Variants in KCNH8 observed in about 807,000 individuals in gnomAD.
KCNH8 encodes potassium voltage-gated channel subfamily H member 8.
A neutral mutation model predicts 103.6 loss-of-function variants in KCNH8; 70 were observed. The ratio of observed to expected loss-of-function variants is 0.68; its 90% CI spans 0.56 to 0.82. KCNH8 has a LOEUF of 0.82. Among genes scored for constraint, KCNH8 ranks in the 40% least tolerant of loss-of-function variants. The pLI is 0.00. For missense variants in KCNH8, 1,217 were observed against 1,329.9 expected (o/e 0.92, Z 1.32); for synonymous variants, 498 against 489.4 (o/e 1.02, Z -0.23).
At chr3:19,195,986 C>T (rs1212382257) in intron 1 of KCNH8, among the ~76,000 whole-genome samples, 1 of 151,916 alleles carries the variant, frequency 6.6e-6, no homozygotes, top group Non-Finnish European at 1.5e-5. Context: ...CTATCTACTT[C>T]CTGAGTATGT....
chr3:19,399,452 T>C (rs1312096963), intron 7 of KCNH8, among the ~76,000 whole-genome samples: 1 of 152,020 alleles, frequency 6.6e-6, no homozygotes, highest in Non-Finnish European at 1.5e-5. Flanking sequence ...AGCATCCTAA[T>C]GTGAGTTCTG....
chr3:19,454,152 G>A (rs1392652188), intron 10 of KCNH8, among the ~76,000 whole-genome samples: 1 of 86,618 alleles, frequency 1.2e-5, no homozygotes, highest in Non-Finnish European at 2.1e-5. Context: ...TTCTGTGTGT[G>A]TGTGTGTGTG....
chr3:19,270,716 G>C (rs2064576265), intron 2 of KCNH8, among the ~76,000 whole-genome samples: 1 of 152,144 alleles, frequency 6.6e-6, no homozygotes, highest in African/African-American at 2.4e-5. Flanking sequence ...TTCGTTAAGA[G>C]TTGAGTTTGC....
At chr3:19,213,404 C>T (rs999837810) in intron 1 of KCNH8, among the ~76,000 whole-genome samples, 4 of 152,124 alleles carry the variant, frequency 2.6e-5, no homozygotes, top group African/African-American at 9.7e-5. Context: ...GGAACAGCCT[C>T]TTCTCTTTTG....
rs546168444 is a variant in KCNH8 at position 19,355,674 on chromosome 3, A to G, written c.811+7709A>G. Among the ~76,000 whole-genome samples the G allele has an allele frequency of 1.1e-3, 165 of 152,174 alleles. 2 individuals carry two copies. The highest frequency in any genetic ancestry group is 7.5e-3 in the South Asian group (36 of 4,828). On this transcript the variant is annotated intron_variant, in intron 5 of 15. Coordinates refer to ENST00000328405, the MANE Select transcript of KCNH8 (RefSeq NM_144633.3). ...CCCATGTTCTCACTCGTAGGTGGCA[A>G]TTGAACAATGAGAATACTTGGACAC...
At chr3:19,211,079 T>G (rs939546197) in intron 1 of KCNH8, among the ~76,000 whole-genome samples, 4 of 152,206 alleles carry the variant, frequency 2.6e-5, no homozygotes, top group African/African-American at 9.6e-5. Context: ...ATATTTTCAT[T>G]AGTTTTCTAC....
intron 2 of KCNH8, among the ~76,000 whole-genome samples, chr3:19,258,766 C>T (rs368466645): frequency 2.6e-5 from 4 of 151,576 alleles, no homozygotes; most frequent in African/African-American, 4.8e-5. Flanking sequence ...CACTCAGAGG[C>T]GTAGCATTTG....
At position 19,440,279 on chromosome 3, in the gene KCNH8, TAGAA is replaced by T. The variant is rs1343922251; in HGVS notation, c.1375+1921_1375+1924del. ...GAGAACTAGCTAGATAGAGGCACAATAGAAAGGAAGGAAAATAACAGGCTTGATT... is the reference window on the plus strand; with the variant it reads ...GAGAACTAGCTAGATAGAGGCACAATAGGAAGGAAAATAACAGGCTTGATT... On this transcript the variant is annotated intron_variant, in intron 8 of 15. Transcript: ENST00000328405. Among the ~76,000 whole-genome samples the T allele has an allele frequency of 2.0e-5, 3 of 152,166 alleles. No homozygotes were observed. In the East Asian group the frequency reaches 5.8e-4, roughly 29 times the overall value.
chr3:19,473,537 G>A (rs1196621663), intron 11 of KCNH8, among the ~76,000 whole-genome samples: 2 of 152,040 alleles, frequency 1.3e-5, no homozygotes, highest in African/African-American at 4.8e-5. Context: ...TTACATTATT[G>A]TTCTTCATCC....
At chr3:19,504,317 A>G (rs191991903) in intron 11 of KCNH8, among the ~76,000 whole-genome samples, 1 of 152,242 alleles carries the variant, frequency 6.6e-6, no homozygotes, top group Non-Finnish European at 1.5e-5. Flanking sequence ...AGCAATTGCA[A>G]CAAAAGCAAA....
At chr3:19,474,538 A>G (rs904588280) in intron 11 of KCNH8, among the ~76,000 whole-genome samples, 25 of 152,214 alleles carry the variant, frequency 1.6e-4, no homozygotes, top group African/African-American at 5.8e-4. Flanking sequence ...ATGAATGTGA[A>G]GGCCAGCATG....
intron 1 of KCNH8, among the ~76,000 whole-genome samples, chr3:19,249,659 A>T (rs538855659): frequency 2.5e-4 from 38 of 152,314 alleles, no homozygotes; most frequent in African/African-American, 8.7e-4. Flanking sequence ...TTAATAAATG[A>T]AGCAAGTAAC....
At chr3:19,370,510 T>C (rs990148796) in intron 5 of KCNH8, among the ~76,000 whole-genome samples, 3 of 152,094 alleles carry the variant, frequency 2.0e-5, no homozygotes, top group African/African-American at 7.2e-5. Context: ...TTTTATATTT[T>C]ATTTTAAAGC....
chr3:19,423,476 C>T (rs1213027076), intron 7 of KCNH8, among the ~76,000 whole-genome samples: 1 of 151,998 alleles, frequency 6.6e-6, no homozygotes, highest in Non-Finnish European at 1.5e-5. Flanking sequence ...ATTCTTATGC[C>T]TTTGCATCCT....
In KCNH8 at chr3:19,533,628, C is replaced by T. The variant is rs985585990; in HGVS notation, c.2853C>T (p.Ser951=). 1.2e-6 allele frequency: 2 copies of T among 1,614,044 alleles called. No individual in the cohort carries two copies. Among genetic ancestry groups the T allele is most frequent in the African/African-American group, 1.3e-5 (1 of 74,918 alleles). Residue 951 remains serine, a synonymous_variant, in exon 16 of 16, where the codon AGC becomes AGT. Transcript: ENST00000328405. The stretch of plus-strand genomic sequence containing the variant: ...CTTATACCCAAGCACAACTTTGTAG[C>T]AGTAATATCACCTCAGACATTTGGA... The part of the protein sequence containing the change: ...GAAYTQAQLC[S]SNITSDIWSV...
At chr3:19,521,674 G>T (rs2068973143) in intron 15 of KCNH8, among the ~76,000 whole-genome samples, 1 of 151,880 alleles carries the variant, frequency 6.6e-6, no homozygotes, top group African/African-American at 2.4e-5. Flanking sequence ...GAGACTTTTT[G>T]CTATAAACAT....
At chr3:19,410,926 AT>A (rs2125147911) in intron 7 of KCNH8, among the ~76,000 whole-genome samples, 1 of 151,854 alleles carries the variant, frequency 6.6e-6, no homozygotes, top group African/African-American at 2.4e-5. Context: ...CCACTGAATA[AT>A]ACCAGAAGTA....
chr3:19,283,036 G>A (rs555933146), intron 3 of KCNH8, among the ~76,000 whole-genome samples: 59 of 152,240 alleles, frequency 3.9e-4, no homozygotes, highest in African/African-American at 1.4e-3. Flanking sequence ...GAGCAGAACA[G>A]TTGCTCCCTA....
intron 5 of KCNH8, among the ~76,000 whole-genome samples, chr3:19,385,784 C>T (rs975727602): frequency 1.3e-5 from 2 of 152,038 alleles, no homozygotes; most frequent in African/African-American, 4.8e-5. Flanking sequence ...AAGAGTGCCT[C>T]ATAAGCAATG....
Sources: gnomAD v4.1 joint callset for allele counts (sites outside exome capture counted in the v4.1 genomes callset) on GRCh38, gnomAD v4.1.1 for gene constraint, MANE v1.5 for transcripts, NCBI Gene and HGNC (gene_info 2026-07-23, HGNC 2026-07-21) for gene names.